Variants in PLEKHA1 observed in about 807,000 individuals in gnomAD.
The protein encoded by PLEKHA1 is pleckstrin homology domain containing A1.
In PLEKHA1, 34 loss-of-function variants were observed where a neutral mutation model predicts 52.0. The ratio of observed to expected loss-of-function variants is 0.65; its 90% confidence interval spans 0.50 to 0.87. The LOEUF (loss-of-function observed/expected upper bound fraction) is 0.87. Ranked by LOEUF, PLEKHA1 falls within the 40% of genes least tolerant of loss-of-function variation. The pLI, the probability that PLEKHA1 is intolerant of heterozygous loss-of-function variation, is 0.00. For synonymous variants in PLEKHA1, 163 were observed against 170.7 expected (o/e 0.95, Z 0.35); for missense variants, 497 against 504.2 (o/e 0.99, Z 0.14).
At chr10:122,416,098 G>A in intron 7 of PLEKHA1, 96 bp downstream of exon 7, 1 of 1,337,520 alleles carries the variant, frequency 7.5e-7, no homozygotes, top group South Asian at 1.6e-5. Flanking sequence ...TTTTATGAAA[G>A]ACCCAAAGTG....
chr10:122,435,986 C>T (rs2097436283), downstream of PLEKHA1: 1 of 152,126 alleles, frequency 6.6e-6, no homozygotes, highest in Admixed American at 6.5e-5. Flanking sequence ...AACCAAGATA[C>T]TGACACTGAT....
chr10:122,426,289 TA>T (rs913307527), intron 10 of PLEKHA1, among the ~76,000 whole-genome samples: 18 of 147,304 alleles, frequency 1.2e-4, no homozygotes, highest in African/African-American at 3.7e-4. Flanking sequence ...TGGCTACTTG[TA>T]TTTTTTTTTT....
intron 1 of PLEKHA1, among the ~76,000 whole-genome samples, chr10:122,375,293 C>T (rs1261789850): frequency 6.6e-6 from 1 of 152,128 alleles, no homozygotes; most frequent in African/African-American, 2.4e-5. Context: ...CCGCGGGGCG[C>T]GCGTCCCCGG....
downstream of PLEKHA1, chr10:122,434,815 G>A (rs562256649): frequency 2.4e-4 from 34 of 142,432 alleles, no homozygotes; most frequent in Non-Finnish European, 4.4e-4. Context: ...GAGAACATGC[G>A]GTGTTTGGTT....
chr10:122,438,013 T>G, the PLEKHA1 span: 2 of 152,126 alleles, frequency 1.3e-5, no homozygotes, highest in Non-Finnish European at 2.9e-5. Context: ...AATCCCAGTT[T>G]TGGAGGTCTA....
In PLEKHA1 at chr10:122,406,666, A is replaced by C; in HGVS notation, c.335A>C (p.Lys112Thr). ...EWVNVLNKAIKITVPKQSDSQ... is the reference protein window; with the variant it reads ...EWVNVLNKAITITVPKQSDSQ... ...GTAAATGTGTTAAACAAAGCTATAA[A>C]AATTACAGTAAGTATATGTATTTTT... is the stretch of plus-strand genomic sequence containing the variant. Residue 112 changes from lysine (K) to threonine (T), a missense_variant, in exon 5 of 12, where the codon AAA becomes ACA. Lys to Thr is a moderately conservative substitution (Grantham distance 78). Coordinates refer to ENST00000368990, the MANE Select transcript of PLEKHA1 (RefSeq NM_001001974.4). The C allele has an allele frequency of 6.3e-7, 1 of 1,599,744 alleles. No homozygotes were observed. Among genetic ancestry groups the C allele is most frequent in the African/African-American group, 1.3e-5 (1 of 74,672 alleles).
At chr10:122,395,140 A>G (rs1222585262) in intron 2 of PLEKHA1, among the ~76,000 whole-genome samples, 2 of 152,194 alleles carry the variant, frequency 1.3e-5, no homozygotes, top group African/African-American at 4.8e-5. Flanking sequence ...GATCAAAGCA[A>G]GAGAGCCTAT....
intron 6 of PLEKHA1, 86 bp from the exon 7 acceptor site, chr10:122,415,773 A>G (rs2097166103): frequency 3.8e-6 from 5 of 1,303,742 alleles, no homozygotes; most frequent in South Asian, 3.0e-5. Flanking sequence ...TCTAAGGTGG[A>G]TTTTAAGATT....
chr10:122,406,740 A>G, intron 5 of PLEKHA1, 67 bp downstream of exon 5: 1 of 1,194,250 alleles, frequency 8.4e-7, no homozygotes. Context: ...TTGAAAATAC[A>G]CCTACCAAAT....
intron 5 of PLEKHA1, among the ~76,000 whole-genome samples, chr10:122,410,826 A>G (rs957168354): frequency 2.0e-5 from 3 of 152,198 alleles, no homozygotes; most frequent in Admixed American, 1.3e-4. Context: ...TCTTGAGAGA[A>G]TAACTGCTAG....
At chr10:122,377,447 A>G (rs932009587) in intron 1 of PLEKHA1, among the ~76,000 whole-genome samples, 13 of 152,328 alleles carry the variant, frequency 8.5e-5, no homozygotes, top group South Asian at 4.1e-4. Context: ...AATGACTTCA[A>G]TAGGAGTTAA....
At chr10:122,377,639 G>A (rs1382242988) in intron 1 of PLEKHA1, among the ~76,000 whole-genome samples, 1 of 152,116 alleles carries the variant, frequency 6.6e-6, no homozygotes, top group African/African-American at 2.4e-5. Flanking sequence ...ATGTTTTTAT[G>A]TAAACATAAA....
chr10:122,399,558 T>A (rs987756622), intron 3 of PLEKHA1, among the ~76,000 whole-genome samples: 2 of 150,998 alleles, frequency 1.3e-5, no homozygotes, highest in African/African-American at 4.8e-5. Flanking sequence ...TTCAATTAAA[T>A]GCCTGGATTT....
At chr10:122,414,600 G>C (rs1056855151) in intron 6 of PLEKHA1, among the ~76,000 whole-genome samples, 2 of 151,936 alleles carry the variant, frequency 1.3e-5, no homozygotes, top group Admixed American at 1.3e-4. Context: ...GAACCCAACA[G>C]TAAAAAGCCC....
At chr10:122,429,245 CTTAAA>C (rs1214169172) in intron 11 of PLEKHA1, among the ~76,000 whole-genome samples, 1 of 152,102 alleles carries the variant, frequency 6.6e-6, no homozygotes, top group Admixed American at 6.5e-5. Flanking sequence ...AGAATATACT[CTTAAA>C]TAAAATGATA....
In PLEKHA1 at chr10:122,430,065, CTT is replaced by C. The variant is rs2097403559; in HGVS notation, c.*129_*130del. 9.9e-6 allele frequency: 10 copies of C among 1,010,296 alleles called. No individual in the cohort carries two copies. In the South Asian group the frequency reaches 1.8e-4, roughly 18 times the overall value. The allele number at this position is 1,010,296 out of a possible 1,614,324, so 62.6% of individuals were successfully genotyped here. A position where few individuals can be genotyped will look rare whatever the true frequency, so the allele number is the denominator to read the frequency against. On this transcript the variant is annotated 3_prime_UTR_variant, in exon 12 of 12. Transcript: ENST00000368990. ...TATTATACTGCCTCTTAGGTGTACT[CTT>C]TATAAGCTGGTAAACCAAGAATCTA...
chr10:122,429,589 G>C (rs2097396778), intron 11 of PLEKHA1, 35 bp from the exon 12 acceptor site: 2 of 1,594,418 alleles, frequency 1.3e-6, no homozygotes, highest in East Asian at 2.2e-5. Context: ...GGTCATGAGT[G>C]ACTGACCGTG....
intron 1 of PLEKHA1, among the ~76,000 whole-genome samples, chr10:122,389,325 C>T (rs867033467): frequency 2.0e-5 from 3 of 152,180 alleles, no homozygotes; most frequent in African/African-American, 7.2e-5. Context: ...CATCAGAGCT[C>T]TTGGGTGACC....
intron 1 of PLEKHA1, among the ~76,000 whole-genome samples, chr10:122,378,736 C>A (rs1176588050): frequency 8.3e-6 from 1 of 120,370 alleles, no homozygotes; most frequent in Non-Finnish European, 1.9e-5. Context: ...GAGACCCTGT[C>A]TCCAAAAAAA....
Sources: allele counts gnomAD v4.1 joint callset (sites outside exome capture counted in the v4.1 genomes callset), GRCh38; gene constraint gnomAD v4.1.1; transcripts MANE v1.5; gene names NCBI Gene and HGNC (gene_info 2026-07-23, HGNC 2026-07-21).